Variants in THSD4 observed in about 807,000 individuals in gnomAD.
The protein encoded by THSD4 is thrombospondin type-1 domain-containing protein 4.
Under a neutral mutation model 119.0 loss-of-function variants are expected in THSD4, and 69 were observed. That is an observed-to-expected ratio of 0.58 (90% CI 0.48 to 0.71). The LOEUF (loss-of-function observed/expected upper bound fraction) is 0.71. Among genes scored for constraint, THSD4 ranks in the 30% least tolerant of loss-of-function variants. THSD4 has a pLI of 0.00. For missense variants in THSD4, 1,393 were observed against 1,391.1 expected (o/e 1.00, Z -0.02); for synonymous variants, 524 against 540.4 (o/e 0.97, Z 0.42).
chr15:71,720,121 G>A (rs1276502676), intron 8 of THSD4, among the ~76,000 whole-genome samples: 1 of 145,460 alleles, frequency 6.9e-6, no homozygotes, highest in African/African-American at 2.6e-5. Context: ...TACAATTACG[G>A]CTCACTGCAG....
chr15:71,308,773 G>A (rs1038277950), intron 6 of THSD4, among the ~76,000 whole-genome samples: 2 of 152,188 alleles, frequency 1.3e-5, no homozygotes, highest in Non-Finnish European at 2.9e-5. Flanking sequence ...GAAGTGCCCA[G>A]CCATAGGATA....
At chr15:71,636,337 C>T (rs938778449) in intron 7 of THSD4, among the ~76,000 whole-genome samples, 17 of 152,040 alleles carry the variant, frequency 1.1e-4, no homozygotes, top group African/African-American at 1.9e-4. Flanking sequence ...GCATGAGAAT[C>T]GCTTGAACCT....
chr15:71,210,897 T>G (rs2043883306), intron 3 of THSD4, among the ~76,000 whole-genome samples: 1 of 152,290 alleles, frequency 6.6e-6, no homozygotes, highest in South Asian at 2.1e-4. Context: ...GGTTGCTTCC[T>G]TTTTTTACTG....
intron 7 of THSD4, among the ~76,000 whole-genome samples, chr15:71,435,135 A>G (rs1303955833): frequency 6.6e-6 from 1 of 152,208 alleles, no homozygotes; most frequent in East Asian, 1.9e-4. Flanking sequence ...AAAACAAGTA[A>G]TTAAAACAAA....
chr15:71,167,311 T>C (rs2043302901), intron 3 of THSD4: 1 of 152,272 alleles, frequency 6.6e-6, no homozygotes, highest in African/African-American at 2.4e-5. Context: ...TCTTCAACTC[T>C]GCTTTTGTAG....
intron 7 of THSD4, among the ~76,000 whole-genome samples, chr15:71,546,697 C>T (rs1372771202): frequency 2.0e-5 from 3 of 152,192 alleles, no homozygotes; most frequent in Admixed American, 2.0e-4. Context: ...CCACAGTTCC[C>T]ATCCGTTTGT....
At chr15:71,110,993 G>T, upstream of THSD4, 2 of 754,390 alleles carry the variant, frequency 2.7e-6, no homozygotes, top group South Asian at 1.9e-5. Context: ...TGCCAGCCCC[G>T]CCTTCTCCTT....
chr15:71,611,524 C>T (rs1280736201), intron 7 of THSD4, among the ~76,000 whole-genome samples: 1 of 152,202 alleles, frequency 6.6e-6, no homozygotes, highest in Admixed American at 6.5e-5. Context: ...AGTGAACATC[C>T]TATGAACACC....
At chr15:71,648,849 C>A (rs1595826162) in intron 7 of THSD4, among the ~76,000 whole-genome samples, 1 of 152,174 alleles carries the variant, frequency 6.6e-6, no homozygotes. Flanking sequence ...CTACTTCATG[C>A]CAGTTCTGAA....
rs3214957 is a variant in THSD4, at chr15:71,780,541, GA to G, written c.*3177del. 5.2e-3 allele frequency: 1,576 copies of G among 302,578 alleles called. 12 individuals carry two copies. Among genetic ancestry groups the G allele is most frequent in the South Asian group, 0.025 (875 of 35,328 alleles). The allele number at this position is 302,578 out of a possible 1,614,324, so 18.7% of individuals were successfully genotyped here. ...AAAAAAACAAACAAAAACACCAAAA[GA>G]AAAAAAAAAGCCATTTAAAGCCAGC... On this transcript the variant is annotated 3_prime_UTR_variant, in exon 18 of 18. Transcript: ENST00000261862.
chr15:71,616,612 G>A (rs2050322542), intron 7 of THSD4, among the ~76,000 whole-genome samples: 1 of 152,186 alleles, frequency 6.6e-6, no homozygotes, highest in Non-Finnish European at 1.5e-5. Context: ...GCAGAACTGC[G>A]ACCAGTGGGT....
intron 6 of THSD4, among the ~76,000 whole-genome samples, chr15:71,359,132 T>C (rs16955492): frequency 0.2 from 29,768 of 152,134 alleles, 3,760 homozygotes; most frequent in East Asian, 0.54. Flanking sequence ...CCCCTTCGCA[T>C]CTTCTCTTCT....
intron 7 of THSD4, among the ~76,000 whole-genome samples, chr15:71,598,843 C>G (rs1300215235): frequency 6.6e-6 from 1 of 152,116 alleles, no homozygotes; most frequent in Non-Finnish European, 1.5e-5. Flanking sequence ...GTCTCGAACT[C>G]CTGGGCTCAA....
chr15:71,334,114 G>C (rs2045462663), intron 6 of THSD4, among the ~76,000 whole-genome samples: 1 of 152,164 alleles, frequency 6.6e-6, no homozygotes, highest in African/African-American at 2.4e-5. Flanking sequence ...AGGACAGTGT[G>C]ATAAGATACA....
intron 4 of THSD4, among the ~76,000 whole-genome samples, chr15:71,218,418 G>A (rs113460437): frequency 3.5e-3 from 528 of 152,318 alleles, no homozygotes; most frequent in Non-Finnish European, 6.2e-3. Flanking sequence ...AGAGCTGCCT[G>A]AGGATCAGGC....
At chr15:71,156,974 C>G (rs1410683871) in intron 3 of THSD4, among the ~76,000 whole-genome samples, 1 of 152,190 alleles carries the variant, frequency 6.6e-6, no homozygotes, top group East Asian at 1.9e-4. Context: ...GCTGCATCAT[C>G]TCTATTCATA....
At chr15:71,340,388 G>A (rs925243404) in intron 6 of THSD4, among the ~76,000 whole-genome samples, 2 of 152,104 alleles carry the variant, frequency 1.3e-5, no homozygotes, top group South Asian at 2.1e-4. Flanking sequence ...GCTTAGACCC[G>A]GTGCTTCCAA....
intron 6 of THSD4, among the ~76,000 whole-genome samples, chr15:71,386,711 A>G (rs1174510106): frequency 1.3e-5 from 2 of 152,214 alleles, no homozygotes; most frequent in African/African-American, 4.8e-5. Flanking sequence ...TTTGTTTCTT[A>G]GGAGTGAGAC....
chr15:71,448,689 A>G (rs547606975), intron 7 of THSD4, among the ~76,000 whole-genome samples: 1 of 152,288 alleles, frequency 6.6e-6, no homozygotes, highest in South Asian at 2.1e-4. Context: ...TAATGATCTT[A>G]ATGCAGTCCT....
Sources: gnomAD v4.1 joint callset for allele counts (sites outside exome capture counted in the v4.1 genomes callset) on GRCh38, gnomAD v4.1.1 for gene constraint, MANE v1.5 for transcripts, NCBI Gene and HGNC (gene_info 2026-07-23, HGNC 2026-07-21) for gene names.